Variants in TGFBR3 observed in about 807,000 individuals in gnomAD.
TGFBR3 encodes transforming growth factor beta receptor type 3.
A neutral mutation model predicts 87.9 loss-of-function variants in TGFBR3; 46 were observed. The ratio of observed to expected loss-of-function variants is 0.52; its 90% confidence interval spans 0.41 to 0.67. The LOEUF (loss-of-function observed/expected upper bound fraction) is 0.67. TGFBR3 is among the 30% of genes least tolerant of loss of function. The probability of loss-of-function intolerance (pLI) is 0.00; values close to 1 mark genes in which losing one functional copy is unlikely to be tolerated. For missense variants in TGFBR3, 866 were observed against 1,041.9 expected (o/e 0.83, Z 2.32); for synonymous variants, 381 against 391.6 (o/e 0.97, Z 0.32).
intron 16 of TGFBR3, among the ~76,000 whole-genome samples, chr1:91,686,610 G>GAAAA (rs60290357): frequency 6.6e-6 from 1 of 151,696 alleles, no homozygotes; most frequent in Admixed American, 6.6e-5. Flanking sequence ...GACAGATTAA[G>GAAAA]TTTTTTCACT....
intron 2 of TGFBR3, among the ~76,000 whole-genome samples, chr1:91,800,613 C>T (rs971985857): frequency 6.6e-6 from 1 of 151,342 alleles, no homozygotes; most frequent in Non-Finnish European, 1.5e-5. Flanking sequence ...ATTTGGTTTT[C>T]GAAGTTCCTC....
chr1:91,802,603 C>T (rs1387669783), intron 2 of TGFBR3, among the ~76,000 whole-genome samples: 1 of 152,044 alleles, frequency 6.6e-6, no homozygotes, highest in African/African-American at 2.4e-5. Flanking sequence ...TCATGTGATC[C>T]ACCTGCGTTG....
rs921832917 is a variant in TGFBR3, at chr1:91,693,849, T to C, written c.2437+1823A>G. On this transcript the variant is annotated intron_variant, in intron 16 of 16. Coordinates refer to ENST00000212355, the MANE Select transcript of TGFBR3 (RefSeq NM_003243.5). ...TGCAAAGAACTGTTAGCTTGAGATC[T>C]GAACATGTCGGTATTCCTGCGACAA... 3.3e-5 allele frequency among the ~76,000 whole-genome samples: 5 copies of C among 152,360 alleles called. No homozygotes were observed. In the South Asian group the frequency reaches 6.2e-4, roughly 19 times the overall value.
chr1:91,810,118 G>A (rs372783995), intron 2 of TGFBR3, among the ~76,000 whole-genome samples: 2 of 152,224 alleles, frequency 1.3e-5, no homozygotes, highest in African/African-American at 4.8e-5. Context: ...GAGTACCATG[G>A]TGCGATCTGG....
intron 3 of TGFBR3, among the ~76,000 whole-genome samples, chr1:91,780,600 C>T (rs969624494): frequency 1.5e-4 from 18 of 120,398 alleles, no homozygotes; most frequent in Non-Finnish European, 2.9e-4. Context: ...ACTCTTGTTG[C>T]CCAGGCTGGA....
At chr1:91,713,624 A>T (rs548038343) in intron 12 of TGFBR3, among the ~76,000 whole-genome samples, 1 of 152,356 alleles carries the variant, frequency 6.6e-6, no homozygotes, top group South Asian at 2.1e-4. Context: ...CTGACATCAC[A>T]TGGGGCTTTG....
chr1:91,709,326 G>A (rs186916236), intron 13 of TGFBR3, among the ~76,000 whole-genome samples: 2 of 152,276 alleles, frequency 1.3e-5, no homozygotes, highest in East Asian at 1.9e-4. Context: ...GAACACTTAC[G>A]TTAACCTACA....
At chr1:91,712,800 GAGTA>G (rs1251316893) in intron 12 of TGFBR3, among the ~76,000 whole-genome samples, 1 of 152,202 alleles carries the variant, frequency 6.6e-6, no homozygotes, top group Non-Finnish European at 1.5e-5. Context: ...AATACAAGAT[GAGTA>G]AGTCTCTTCC....
intron 5 of TGFBR3, among the ~76,000 whole-genome samples, chr1:91,731,070 G>C (rs1464179923): frequency 1.3e-5 from 2 of 152,254 alleles, no homozygotes; most frequent in African/African-American, 4.8e-5. Flanking sequence ...GCTGGGACCA[G>C]TGTCAAGGAA....
At chr1:91,805,749 C>A (rs1399913529) in intron 2 of TGFBR3, among the ~76,000 whole-genome samples, 1 of 152,222 alleles carries the variant, frequency 6.6e-6, no homozygotes, top group Admixed American at 6.5e-5. Context: ...GGTTACCACA[C>A]CACTAGGGGC....
At chr1:91,792,778 T>C (rs144736602) in intron 3 of TGFBR3, among the ~76,000 whole-genome samples, 74 of 152,338 alleles carry the variant, frequency 4.9e-4, no homozygotes, top group African/African-American at 1.7e-3. Flanking sequence ...TACTAGGAGC[T>C]GGTTTTCATG....
chr1:91,805,583 C>G (rs950057365), intron 2 of TGFBR3, among the ~76,000 whole-genome samples: 3 of 152,224 alleles, frequency 2.0e-5, no homozygotes, highest in Admixed American at 6.5e-5. Flanking sequence ...GGCCACACTG[C>G]CAAGGCCACT....
chr1:91,760,198 T>G (rs1397860694), intron 3 of TGFBR3, among the ~76,000 whole-genome samples: 1 of 152,182 alleles, frequency 6.6e-6, no homozygotes, highest in East Asian at 1.9e-4. Flanking sequence ...ATTTCCAAAA[T>G]GGACTGTAGG....
intron 2 of TGFBR3, among the ~76,000 whole-genome samples, chr1:91,859,925 A>AG (rs1488577003): frequency 1.3e-5 from 2 of 148,754 alleles, no homozygotes; most frequent in African/African-American, 4.9e-5. Flanking sequence ...AAAAAAAAAA[A>AG]AAGATACTTG....
chr1:91,717,005 G>A (rs1325292969), intron 10 of TGFBR3, among the ~76,000 whole-genome samples: 1 of 152,130 alleles, frequency 6.6e-6, no homozygotes, highest in Admixed American at 6.5e-5. Context: ...ATTTCAAATG[G>A]TGGGAAAACA....
intron 1 of TGFBR3, among the ~76,000 whole-genome samples, chr1:91,872,459 G>C (rs545716736): frequency 3.3e-5 from 5 of 152,142 alleles, no homozygotes; most frequent in African/African-American, 7.2e-5. Context: ...TAAAGAATCC[G>C]TTCTCCAATG....
chr1:91,814,069 G>A (rs894692054), intron 2 of TGFBR3, among the ~76,000 whole-genome samples: 2 of 152,136 alleles, frequency 1.3e-5, no homozygotes, highest in Non-Finnish European at 2.9e-5. Flanking sequence ...CCTGGGGGTG[G>A]GGACCCCTGC....
rs1019169962 is a variant in TGFBR3, at chr1:91,881,610, C to T, written c.-114+4268G>A. 5.3e-5 allele frequency among the ~76,000 whole-genome samples: 8 copies of T among 152,172 alleles called. No homozygotes were observed. The South Asian group carries it at 8.3e-4, about 16-fold the overall frequency. Reference sequence around the variant, plus strand: ...AAAGCATAGAAGACTAAATGAGATCCTAAATAAATGCCACTCTGTAGTATA... The same window carrying T: ...AAAGCATAGAAGACTAAATGAGATCTTAAATAAATGCCACTCTGTAGTATA... On this transcript the variant is annotated intron_variant, in intron 1 of 16. Coordinates refer to ENST00000212355, the MANE Select transcript of TGFBR3 (RefSeq NM_003243.5).
intron 3 of TGFBR3, among the ~76,000 whole-genome samples, chr1:91,759,302 G>C (rs1477100760): frequency 1.4e-5 from 2 of 146,746 alleles, no homozygotes; most frequent in African/African-American, 2.5e-5. Context: ...CATTGTCTCA[G>C]CTTTTAGCTT....
Sources: gnomAD v4.1 joint callset for allele counts (sites outside exome capture counted in the v4.1 genomes callset) on GRCh38, gnomAD v4.1.1 for gene constraint, MANE v1.5 for transcripts, NCBI Gene and HGNC (gene_info 2026-07-23, HGNC 2026-07-21) for gene names.